Variants in ZSWIM8 observed in about 807,000 individuals in gnomAD.
ZSWIM8 encodes the protein zinc finger SWIM domain-containing protein 8.
In ZSWIM8, 27 loss-of-function variants were observed where a neutral mutation model predicts 173.7. That is an observed-to-expected ratio of 0.16 (90% CI 0.11 to 0.21). The LOEUF is 0.21. Ranked by LOEUF, ZSWIM8 falls within the 10% of genes least tolerant of loss-of-function variation. The pLI is 1.00. For synonymous variants in ZSWIM8, 958 were observed against 962.0 expected, an observed-to-expected ratio of 1.00 and a Z score of 0.08; for missense variants, 1,627 against 2,428.8, an observed-to-expected ratio of 0.67 and a Z score of 6.94.
Position 73,791,486 on chromosome 10 carries a change from C to G in ZSWIM8, c.1306C>G (p.Leu436Val), listed in dbSNP as rs1406712114. 4 of 1,603,250 alleles carry G rather than the reference C, an allele frequency of 2.5e-6. No homozygotes were observed. The highest frequency in any genetic ancestry group is 2.7e-5 in the African/African-American group (2 of 74,746). Reference sequence around the variant, plus strand: ...GAGGCTGGCCGTGCTGGACCCTGCACTCAGCCCCCAGCGGTGAGTCTCCCC... The same window carrying G: ...GAGGCTGGCCGTGCTGGACCCTGCAGTCAGCCCCCAGCGGTGAGTCTCCCC... ...LWRLAVLDPA[L>V]SPQRRRELCT... is the part of the protein sequence containing the mutation. Residue 436 changes from leucine (L) to valine (V), a missense_variant, in exon 9 of 26, where the codon CTC becomes GTC. Transcript: ENST00000604729. The surrounding 1 kb of genome is among the most constrained non-coding windows in gnomAD (Gnocchi z 6.0).
At position 73,794,600 on chromosome 10, in the gene ZSWIM8, G is replaced by A. The variant is rs943901437; in HGVS notation, c.2869G>A (p.Asp957Asn). Reference protein sequence around the residue: ...SRNWNSETPGDEELGFEAAVA... With the variant: ...SRNWNSETPGNEELGFEAAVA... Reference sequence around the variant, plus strand: ...CAACTGGAACAGCGAGACACCTGGGGATGAGGAGCTTGGATTTGAAGCAGC... The same window carrying A: ...CAACTGGAACAGCGAGACACCTGGGAATGAGGAGCTTGGATTTGAAGCAGC... Residue 957 changes from aspartate (D) to asparagine (N), a missense_variant, in exon 14 of 26, where the codon GAT becomes AAT. By Grantham distance (23) the Asp-to-Asn change is conservative. Coordinates refer to ENST00000604729, the MANE Select transcript of ZSWIM8 (RefSeq NM_001367799.1). The A allele has an allele frequency of 6.4e-7, 1 of 1,557,354 alleles. No homozygotes were observed. The highest frequency in any genetic ancestry group is 8.7e-7 in the Non-Finnish European group (1 of 1,149,924).
In ZSWIM8 at chr10:73,797,295, T is replaced by C. The variant is rs1403399799; in HGVS notation, c.3433+24T>C. 8 of 1,613,574 alleles carry C rather than the reference T, an allele frequency of 5.0e-6. No homozygotes were observed. Among genetic ancestry groups the C allele is most frequent in the African/African-American group, 1.3e-5 (1 of 74,880 alleles). On this transcript the variant is annotated intron_variant, in intron 17 of 25. Transcript: ENST00000604729. This position sits in a 1 kb window ranked among gnomAD's most constrained non-coding sequence, Gnocchi z 5.6. ...AGGTAGGATAGCCTGTGGGCTAGCA[T>C]AGAGGGAAGGATAATCCTGAAGGTT...
At position 73,789,842 on chromosome 10, in the gene ZSWIM8, C is replaced by T. The variant is rs766663692; in HGVS notation, c.738+18C>T. The T allele has an allele frequency of 3.8e-6, 6 of 1,594,432 alleles. No homozygotes were observed. The highest frequency in any genetic ancestry group is 2.3e-5 in the South Asian group (2 of 88,260). Reference sequence around the variant, plus strand: ...CTCAGCAGGTGGGTGAGGTCGGCACCCCCTCCTGCAATTAGCTCCGGGCCA... The same window carrying T: ...CTCAGCAGGTGGGTGAGGTCGGCACTCCCTCCTGCAATTAGCTCCGGGCCA... On this transcript the variant is annotated intron_variant, in intron 5 of 25. Coordinates refer to ENST00000604729, the MANE Select transcript of ZSWIM8 (RefSeq NM_001367799.1). This position sits in a 1 kb window ranked among gnomAD's most constrained non-coding sequence, Gnocchi z 6.8.
rs369608399 is a variant in ZSWIM8, at chr10:73,791,072, G to A, written c.1039G>A (p.Val347Ile). ...RPLRGREPEG[V>I]WNLLSIVREM... ...TCTGAGGGGCCGTGAGCCAGAGGGCGTCTGGAACCTGCTAAGCATTGTGCG... is the reference window on the plus strand; with the variant it reads ...TCTGAGGGGCCGTGAGCCAGAGGGCATCTGGAACCTGCTAAGCATTGTGCG... The change falls in exon 8 of 26, where the codon GTC (valine) becomes ATC (isoleucine). Residue 347 changes from valine (V) to isoleucine (I), a missense_variant. Val to Ile is a conservative substitution (Grantham distance 29). This residue lies in a region of ZSWIM8 where 38 missense variants were observed against 106.1 expected (regional missense o/e 0.36). Coordinates refer to ENST00000604729, the MANE Select transcript of ZSWIM8 (RefSeq NM_001367799.1). This position sits in a 1 kb window ranked among gnomAD's most constrained non-coding sequence, Gnocchi z 6.0. 4.3e-5 allele frequency: 70 copies of A among 1,613,850 alleles called. No individual in the cohort carries two copies. The highest frequency in any genetic ancestry group is 4.8e-5 in the Non-Finnish European group (57 of 1,179,894).
chr10:73,800,447 C>T lies in ZSWIM8; in HGVS notation c.4977C>T (p.His1659=), dbSNP rs776067843. The change falls in exon 23 of 26, where the codon CAC becomes CAT. Residue 1659 remains histidine, a synonymous_variant. Coordinates refer to ENST00000604729, the MANE Select transcript of ZSWIM8 (RefSeq NM_001367799.1). This position sits in a 1 kb window ranked among gnomAD's most constrained non-coding sequence, Gnocchi z 4.1. ...HSQPVNPHSL[H]HLHAAYRVGM... is the part of the protein sequence containing the mutation. ...AGCCAGTCAATCCCCACAGCCTGCA[C>T]CACCTGCATGCTGCCTACCGTGTCG... The T allele has an allele frequency of 4.3e-6, 7 of 1,613,792 alleles. No individual in the cohort carries two copies. The highest frequency in any genetic ancestry group is 1.3e-5 in the African/African-American group (1 of 74,912).
rs1163343250 is a variant in ZSWIM8, at chr10:73,791,828, CT to C, written c.1320-30del. 3 of 1,481,408 alleles carry C rather than the reference CT, an allele frequency of 2.0e-6. No homozygotes were observed. The allele number at this position is 1,481,408 out of a possible 1,614,324, so 91.8% of individuals were successfully genotyped here. ...CATGCCCATCCTTTCCCAGTAGCCC[CT>C]CAGCAGCCTCCTGCCCCTTGTTCCC... is the stretch of plus-strand genomic sequence containing the variant. On this transcript the variant is annotated intron_variant, in intron 9 of 25. Transcript: ENST00000604729. This position sits in a 1 kb window ranked among gnomAD's most constrained non-coding sequence, Gnocchi z 6.0.
rs745537896 is a variant in ZSWIM8 at position 73,795,643 on chromosome 10, G to A, written c.3013G>A (p.Asp1005Asn). Residue 1005 changes from aspartate to asparagine, a missense_variant, in exon 15 of 26, where the codon GAC (aspartate) becomes AAC (asparagine). Physicochemically the swap from Asp to Asn is conservative, Grantham distance 23. Around this residue, in one of 18 missense-constraint regions of ZSWIM8, gnomAD observed 163 missense variants for 193.2 expected, o/e 0.84. Coordinates refer to ENST00000604729, the MANE Select transcript of ZSWIM8 (RefSeq NM_001367799.1). ...ALALMITYKD[D>N]QAKLKKILDK... ...AGCACTAATGATCACTTACAAGGAC[G>A]ACCAGGCCAAGCTTAAGAAGGTAAG... 25 of 1,613,232 alleles carry A rather than the reference G, an allele frequency of 1.5e-5. No individual in the cohort carries two copies. The highest frequency in any genetic ancestry group is 1.2e-4 in the African/African-American group (9 of 74,910).
At chr10:73,786,120 G>T in intron 1 of ZSWIM8, 34 bp downstream of exon 1, 1 of 1,508,950 alleles carries the variant, frequency 6.6e-7, no homozygotes, top group South Asian at 1.3e-5. Flanking sequence ...GGAGCGGCAG[G>T]CCCTGCTTGG....
chr10:73,789,051 A>G lies in ZSWIM8; in HGVS notation c.363-45A>G. ...TGTGGTCTCTGACAGGGTCTGCCAA[A>G]GGTTATTTGCTGAGTTGTGGCTGTG... is the stretch of plus-strand genomic sequence containing the variant. On this transcript the variant is annotated intron_variant, in intron 2 of 25. Coordinates refer to ENST00000604729, the MANE Select transcript of ZSWIM8 (RefSeq NM_001367799.1). This position sits in a 1 kb window ranked among gnomAD's most constrained non-coding sequence, Gnocchi z 6.8. 6.3e-7 allele frequency: 1 copy of G among 1,596,578 alleles called. No individual in the cohort carries two copies. Among genetic ancestry groups the G allele is most frequent in the Non-Finnish European group, 8.6e-7 (1 of 1,168,046 alleles).
chr10:73,789,836 C>G lies in ZSWIM8; in HGVS notation c.738+12C>G. ...AGCTCCCTCAGCAGGTGGGTGAGGT[C>G]GGCACCCCCTCCTGCAATTAGCTCC... On this transcript the variant is annotated intron_variant, in intron 5 of 25. Transcript: ENST00000604729. The surrounding 1 kb of genome is among the most constrained non-coding windows in gnomAD (Gnocchi z 6.8). 1 of 1,597,338 alleles carries G rather than the reference C, an allele frequency of 6.3e-7. No individual in the cohort carries two copies. The highest frequency in any genetic ancestry group is 8.5e-7 in the Non-Finnish European group (1 of 1,171,694).
chr10:73,792,098 G>C lies in ZSWIM8; in HGVS notation c.1559G>C (p.Arg520Pro). ...RALPSRPGASRSGGLEESRDR... is the reference protein window; with the variant it reads ...RALPSRPGASPSGGLEESRDR... ...CTGCCCTCTCGGCCAGGTGCCTCCC[G>C]CTCTGGGGGCCTGGAGGAATCCCGG... Residue 520 changes from arginine (R) to proline (P), a missense_variant, in exon 10 of 26, where the codon CGC becomes CCC. Arg to Pro is a moderately radical substitution (Grantham distance 103). Coordinates refer to ENST00000604729, the MANE Select transcript of ZSWIM8 (RefSeq NM_001367799.1). This position sits in a 1 kb window ranked among gnomAD's most constrained non-coding sequence, Gnocchi z 4.3. 6.5e-7 allele frequency: 1 copy of C among 1,531,484 alleles called. No homozygotes were observed. Among genetic ancestry groups the C allele is most frequent in the Non-Finnish European group, 8.8e-7 (1 of 1,133,922 alleles). 94.9% of individuals were successfully genotyped at this position (1,531,484 alleles called of 1,614,324 possible).
Position 73,800,718 on chromosome 10 carries a change from CTGA to C in ZSWIM8, c.5087_5089del (p.Asp1696del). On this transcript the variant is annotated inframe_deletion, in exon 24 of 26. Transcript: ENST00000604729. This position sits in a 1 kb window ranked among gnomAD's most constrained non-coding sequence, Gnocchi z 4.1. ...AACTTCTCCCGCTCCCCCCCCTACA[CTGA>C]TGATGTCAAATGGTTGCTGGGGCTG... is the stretch of plus-strand genomic sequence containing the variant. 1 of 1,613,730 alleles carries C rather than the reference CTGA, an allele frequency of 6.2e-7. No individual in the cohort carries two copies.
chr10:73,791,221 C>A lies in ZSWIM8; in HGVS notation c.1143+45C>A. The A allele has an allele frequency of 6.4e-7, 1 of 1,566,070 alleles. No individual in the cohort carries two copies. The highest frequency in any genetic ancestry group is 1.2e-5 in the South Asian group (1 of 84,386). On this transcript the variant is annotated intron_variant, in intron 8 of 25. Transcript: ENST00000604729. This position sits in a 1 kb window ranked among gnomAD's most constrained non-coding sequence, Gnocchi z 6.0. ...GAGCCCCGTGGTAGCTCATTCTTTC[C>A]CTCCCCCTGCCTCATCCTCCTCTTG...
rs1256727465 is a variant in ZSWIM8 at position 73,797,976 on chromosome 10, CT to C, written c.3860del (p.Phe1287SerfsTer37). The C allele has an allele frequency of 6.2e-7, 1 of 1,613,948 alleles. No homozygotes were observed. Among genetic ancestry groups the C allele is most frequent in the Non-Finnish European group, 8.5e-7 (1 of 1,179,910 alleles). ...CTCACCGCAACCTGCACCTTTGCGC[CT>C]TCGAGATTGGGCTTTATGCCCTTGG... ...GPHRNLHLCA[F>X]EIGLYALGLH... On this transcript the variant is annotated frameshift_variant, in exon 19 of 26. Transcript: ENST00000604729. LOFTEE classifies it high-confidence loss of function. This position sits in a 1 kb window ranked among gnomAD's most constrained non-coding sequence, Gnocchi z 5.6.
chr10:73,795,779 G>A (rs946145801), intron 15 of ZSWIM8, 116 bp downstream of exon 15: 9 of 1,196,286 alleles, frequency 7.5e-6, no homozygotes, highest in East Asian at 2.7e-5. Context: ...GCAACATGGC[G>A]AAACCCCGTC....
chr10:73,788,633 A>G lies in ZSWIM8; in HGVS notation c.209-37A>G, dbSNP rs755755782. 9.3e-6 allele frequency: 15 copies of G among 1,608,526 alleles called. No individual in the cohort carries two copies. In the East Asian group the frequency reaches 1.6e-4, roughly 17 times the overall value. ...GAGACCATGGCCCTTTTCATTTCCT[A>G]TTCTCTTTCCCCTGATCCCAACCAT... is the stretch of plus-strand genomic sequence containing the variant. On this transcript the variant is annotated intron_variant, in intron 1 of 25. Coordinates refer to ENST00000604729, the MANE Select transcript of ZSWIM8 (RefSeq NM_001367799.1).
intron 21 of ZSWIM8, 73 bp downstream of exon 21, chr10:73,799,563 C>T: frequency 6.5e-7 from 1 of 1,550,158 alleles, no homozygotes; most frequent in Non-Finnish European, 8.7e-7. Context: ...GGAGTGGGTA[C>T]TCTGGGAGTA....
rs751724717 is a variant in ZSWIM8 at position 73,789,844 on chromosome 10, C to T, written c.738+20C>T. 3.8e-6 allele frequency: 6 copies of T among 1,592,792 alleles called. No homozygotes were observed. The African/African-American group carries it at 4.0e-5, about 11-fold the overall frequency. Reference sequence around the variant, plus strand: ...CAGCAGGTGGGTGAGGTCGGCACCCCCTCCTGCAATTAGCTCCGGGCCAGG... The same window carrying T: ...CAGCAGGTGGGTGAGGTCGGCACCCTCTCCTGCAATTAGCTCCGGGCCAGG... On this transcript the variant is annotated intron_variant, in intron 5 of 25. Transcript: ENST00000604729. This position sits in a 1 kb window ranked among gnomAD's most constrained non-coding sequence, Gnocchi z 6.8.
rs1322494670 is a variant in ZSWIM8, at chr10:73,791,569, CCTT to C, written c.1319+71_1319+73del. The C allele has an allele frequency of 4.2e-6, 6 of 1,445,388 alleles. No individual in the cohort carries two copies. The highest frequency in any genetic ancestry group is 4.6e-6 in the Non-Finnish European group (5 of 1,086,974). 89.5% of individuals were successfully genotyped at this position (1,445,388 alleles called of 1,614,324 possible). A position where few individuals can be genotyped will look rare whatever the true frequency, so the allele number is the denominator to read the frequency against. On this transcript the variant is annotated intron_variant, in intron 9 of 25. Coordinates refer to ENST00000604729, the MANE Select transcript of ZSWIM8 (RefSeq NM_001367799.1). The surrounding 1 kb of genome is among the most constrained non-coding windows in gnomAD (Gnocchi z 6.0). ...CTCAGGACAGACTGAGCCTTCATCT[CCTT>C]GTTTGCAGAGACATACCATGATTTT...
Sources: gnomAD v4.1 joint callset for allele counts on GRCh38, gnomAD v4.1.1 for gene constraint, gnomAD v4.1.1 regional missense constraint, Gnocchi (gnomAD v3.1) non-coding constraint, MANE v1.5 for transcripts, NCBI Gene and HGNC (gene_info 2026-07-23, HGNC 2026-07-21) for gene names.